The following SPTBN4 variants were observed in gnomAD, a reference collection of about 807,000 sequenced individuals.
The protein encoded by SPTBN4 is spectrin beta chain, non-erythrocytic 4.
A neutral mutation model predicts 277.8 loss-of-function variants in SPTBN4; 96 were observed. That is an observed-to-expected ratio of 0.35 (90% CI 0.29 to 0.41). The LOEUF (loss-of-function observed/expected upper bound fraction) is 0.41, where lower values mean the gene tolerates loss of function less well. SPTBN4 is among the 10% of genes least tolerant of loss of function. The pLI is 1.00. For missense variants in SPTBN4, 3,006 were observed against 3,595.7 expected, an observed-to-expected ratio of 0.84 and a Z score of 4.19; for synonymous variants, 1,481 against 1,580.3, an observed-to-expected ratio of 0.94 and a Z score of 1.49.
rs371709220 is a variant in SPTBN4 at position 40,502,515 on chromosome 19, C to T, written c.1203+8C>T. On this transcript the variant is annotated splice_region_variant and intron_variant, in intron 10 of 35. Transcript: ENST00000598249. The surrounding 1 kb of genome is among the most constrained non-coding windows in gnomAD (Gnocchi z 4.9). The stretch of plus-strand genomic sequence containing the variant: ...ATCTGGGATATTGACAAGGTGAGGC[C>T]GGGGATGCAGGGGAGAGGCGGGGTT... 6.6e-5 allele frequency: 106 copies of T among 1,607,234 alleles called. No homozygotes were observed. The highest frequency in any genetic ancestry group is 1.7e-4 in the Middle Eastern group (1 of 6,058).
chr19:40,523,616 G>A lies in SPTBN4; in HGVS notation c.3834G>A (p.Glu1278=), dbSNP rs369215928. ...ACATCTACGGGGAGCAGGCTCAGGA[G>A]GCTGTGACCCGGCTGCTGGAGAAGT... The part of the protein sequence containing the change: ...QGNIYGEQAQ[E]AVTRLLEKNQ... The change falls in exon 17 of 36, where the codon GAG becomes GAA. Residue 1278 remains glutamate, a synonymous_variant. Coordinates refer to ENST00000598249, the MANE Select transcript of SPTBN4 (RefSeq NM_020971.3). The A allele has an allele frequency of 1.2e-6, 2 of 1,612,708 alleles. No homozygotes were observed. Among genetic ancestry groups the A allele is most frequent in the Non-Finnish European group, 1.7e-6 (2 of 1,178,958 alleles).
chr19:40,516,034 CATATATATGTATATATATATACACACT>C (rs1568798752), intron 15 of SPTBN4, among the ~76,000 whole-genome samples: 8 of 142,268 alleles, frequency 5.6e-5, no homozygotes, highest in Non-Finnish European at 1.2e-4. Flanking sequence ...TATATATACA[CATATATATGTATATATATATACACACT>C]ATATATATGT....
In SPTBN4 at chr19:40,519,916, A is replaced by G; in HGVS notation, c.3419A>G (p.Asp1140Gly). 3.9e-6 allele frequency: 6 copies of G among 1,558,068 alleles called. No homozygotes were observed. Among genetic ancestry groups the G allele is most frequent in the Non-Finnish European group, 5.2e-6 (6 of 1,159,262 alleles). The change falls in exon 16 of 36, where the codon GAC becomes GGC. Residue 1140 changes from aspartate (D) to glycine (G), a missense_variant. This residue lies in a region of SPTBN4 where 1,759 missense variants were observed against 2,061.5 expected (regional missense o/e 0.85). Transcript: ENST00000598249. This position sits in a 1 kb window ranked among gnomAD's most constrained non-coding sequence, Gnocchi z 5.7. The stretch of plus-strand genomic sequence containing the variant: ...CACGCTGCGCTCAAGGAGGAGGTGG[A>G]CCAGCGCGAGGAAGACTATGCTCGC... ...ARHAALKEEV[D>G]QREEDYARIV...
chr19:40,511,079 TG>T (rs1395663602), intron 13 of SPTBN4, among the ~76,000 whole-genome samples: 1 of 151,984 alleles, frequency 6.6e-6, no homozygotes, highest in Admixed American at 6.6e-5. Flanking sequence ...CATGCATACA[TG>T]GGCACACAGG....
At chr19:40,547,319 G>A (rs2080869881) in intron 20 of SPTBN4, among the ~76,000 whole-genome samples, 1 of 151,768 alleles carries the variant, frequency 6.6e-6, no homozygotes, top group African/African-American at 2.4e-5. Flanking sequence ...TCAGAATGAT[G>A]GTTTCCAGCT....
At position 40,572,022 on chromosome 19, in the gene SPTBN4, G is replaced by A. The variant is rs1378231647; in HGVS notation, c.7323G>A (p.Ser2441=). ...GAGCCCCATCTTGTCGCTCCAGGTC[G>A]TGGGTGAGCCTGTACTGTGTGCTTA... The part of the protein sequence containing the change: ...LDANRKSSNR[S]WVSLYCVLSK... The change falls in exon 34 of 36, where the codon TCG becomes TCA. Residue 2441 remains serine (S), a synonymous_variant. Transcript: ENST00000598249. 1.3e-6 allele frequency: 2 copies of A among 1,543,284 alleles called. No homozygotes were observed. The highest frequency in any genetic ancestry group is 1.7e-6 in the Non-Finnish European group (2 of 1,145,298).
chr19:40,511,130 G>A lies in SPTBN4; in HGVS notation c.1817-1476G>A, dbSNP rs957094415. 3.9e-5 allele frequency among the ~76,000 whole-genome samples: 6 copies of A among 152,116 alleles called. No individual in the cohort carries two copies. The East Asian group carries it at 1.2e-3, about 29-fold the overall frequency. ...TTATAAAACAATACTTCCAGGCTGG[G>A]CGCGGTGGCTCAGGCCTGTAATCCC... On this transcript the variant is annotated intron_variant, in intron 13 of 35. Transcript: ENST00000598249.
At chr19:40,570,834 A>T (rs1453739696) in intron 33 of SPTBN4, 106 bp downstream of exon 33, 5 of 1,224,426 alleles carry the variant, frequency 4.1e-6, no homozygotes, top group Middle Eastern at 2.8e-4. Flanking sequence ...CAGGCCCTCC[A>T]GCAGGTGGCG....
chr19:40,506,782 A>T (rs1162915412), intron 13 of SPTBN4, among the ~76,000 whole-genome samples: 1 of 152,096 alleles, frequency 6.6e-6, no homozygotes, highest in Non-Finnish European at 1.5e-5. Flanking sequence ...ATTCAAGACC[A>T]GCCTGGCCAA....
chr19:40,491,377 A>G (rs751645290), intron 4 of SPTBN4, among the ~76,000 whole-genome samples: 5 of 152,012 alleles, frequency 3.3e-5, no homozygotes, highest in Non-Finnish European at 7.4e-5. Flanking sequence ...AGTAGTTTGG[A>G]TTTTATTCTG....
At position 40,515,923 on chromosome 19, in the gene SPTBN4, A is replaced by G. The variant is rs2080450223; in HGVS notation, c.2903+475A>G. Among the ~76,000 whole-genome samples the G allele has an allele frequency of 9.4e-6, 1 of 105,934 alleles. No homozygotes were observed. The highest frequency in any genetic ancestry group is 1.8e-5 in the Non-Finnish European group (1 of 55,134). The allele number at this position is 105,934 out of a possible 152,430, so 69.5% of individuals were successfully genotyped here. On this transcript the variant is annotated intron_variant, in intron 15 of 35. Transcript: ENST00000598249. This position sits in a 1 kb window ranked among gnomAD's most constrained non-coding sequence, Gnocchi z 4.1. ...ACAAAATATATATATACACACACATATATATACACACATATATACGTATAT... is the reference window on the plus strand; with the variant it reads ...ACAAAATATATATATACACACACATGTATATACACACATATATACGTATAT...
chr19:40,560,641 A>G lies in SPTBN4; in HGVS notation c.5915+238A>G, dbSNP rs929177431. On this transcript the variant is annotated intron_variant, in intron 27 of 35. Coordinates refer to ENST00000598249, the MANE Select transcript of SPTBN4 (RefSeq NM_020971.3). This position sits in a 1 kb window ranked among gnomAD's most constrained non-coding sequence, Gnocchi z 5.2. ...TGTCCGCTGTCCTTCCCAGTTGCCT[A>G]TTATTACCCTCTCCATGGGATGTCA... is the stretch of plus-strand genomic sequence containing the variant. The G allele has an allele frequency of 2.1e-6, 3 of 1,432,328 alleles. No homozygotes were observed. The highest frequency in any genetic ancestry group is 2.9e-5 in the African/African-American group (2 of 69,612). 88.7% of individuals were successfully genotyped at this position (1,432,328 alleles called of 1,614,324 possible).
rs1157253861 is a variant in SPTBN4, at chr19:40,554,800, G to T, written c.5084+154G>T. ...TCGAATTTGGCAAGTGGGCGGGCCG[G>T]AATGGGGGGACACGGCTCAGGGATG... On this transcript the variant is annotated intron_variant, in intron 24 of 35. Coordinates refer to ENST00000598249, the MANE Select transcript of SPTBN4 (RefSeq NM_020971.3). The surrounding 1 kb of genome is among the most constrained non-coding windows in gnomAD (Gnocchi z 5.7). The T allele has an allele frequency of 1.7e-6, 2 of 1,171,388 alleles. No homozygotes were observed. Among genetic ancestry groups the T allele is most frequent in the Non-Finnish European group, 2.4e-6 (2 of 826,140 alleles). 72.6% of individuals were successfully genotyped at this position (1,171,388 alleles called of 1,614,324 possible). A position where few individuals can be genotyped will look rare whatever the true frequency, so the allele number is the denominator to read the frequency against.
At chr19:40,545,105 T>G (rs1192728937) in intron 20 of SPTBN4, among the ~76,000 whole-genome samples, 1 of 151,806 alleles carries the variant, frequency 6.6e-6, no homozygotes, top group Admixed American at 6.6e-5. Context: ...ATTTAAAAAT[T>G]TTTTTTTCAG....
chr19:40,489,091 A>G (rs539936652), intron 3 of SPTBN4, among the ~76,000 whole-genome samples: 151 of 151,616 alleles, frequency 1.0e-3, no homozygotes, highest in African/African-American at 3.6e-3. Context: ...CCAGCTGCTC[A>G]GGAGGCTGAG....
At chr19:40,556,891 G>A in intron 25 of SPTBN4, 132 bp from the exon 26 acceptor site, 1 of 1,213,040 alleles carries the variant, frequency 8.2e-7, no homozygotes, top group Non-Finnish European at 1.1e-6. Flanking sequence ...TTGAACCACT[G>A]CACGCCAACC....
chr19:40,477,910 C>T (rs2079967254), intron 2 of SPTBN4, among the ~76,000 whole-genome samples: 1 of 152,120 alleles, frequency 6.6e-6, no homozygotes, highest in African/African-American at 2.4e-5. Flanking sequence ...GCAGTCTCGG[C>T]TCACTGCAAC....
chr19:40,495,006 C>G, intron 6 of SPTBN4, 29 bp downstream of exon 6: 1 of 1,607,938 alleles, frequency 6.2e-7, no homozygotes, highest in Middle Eastern at 1.7e-4. Context: ...CAGCCCAGTC[C>G]TGCCCTTCAG....
intron 13 of SPTBN4, among the ~76,000 whole-genome samples, chr19:40,510,056 T>A (rs1218922780): frequency 2.0e-5 from 3 of 150,786 alleles, no homozygotes; most frequent in Admixed American, 2.0e-4. Flanking sequence ...GTGTGGGGAG[T>A]GCGAGTGTGG....
Sources: allele counts gnomAD v4.1 joint callset (sites outside exome capture counted in the v4.1 genomes callset), GRCh38; gene constraint gnomAD v4.1.1; regional missense constraint gnomAD v4.1.1; non-coding constraint Gnocchi (gnomAD v3.1); transcripts MANE v1.5; gene names NCBI Gene and HGNC (gene_info 2026-07-23, HGNC 2026-07-21).